SPECC1L: variants seen among roughly 807,000 people sequenced by gnomAD.
SPECC1L encodes cytospin-A.
A neutral mutation model predicts 116.8 loss-of-function variants in SPECC1L; 40 were observed. That is an observed-to-expected ratio of 0.34 (90% CI 0.27 to 0.45). The LOEUF (loss-of-function observed/expected upper bound fraction) is 0.45, where lower values mean the gene tolerates loss of function less well. SPECC1L is among the 20% of genes least tolerant of loss of function. SPECC1L has a pLI of 1.00. For missense variants in SPECC1L, 1,110 were observed against 1,373.6 expected (o/e 0.81, Z 3.03); for synonymous variants, 504 against 500.6 (o/e 1.01, Z -0.09).
At chr22:24,280,544 A>G (rs547719715) in intron 2 of SPECC1L, among the ~76,000 whole-genome samples, 63 of 151,730 alleles carry the variant, frequency 4.2e-4, no homozygotes, top group Non-Finnish European at 1.3e-4. Flanking sequence ...CAGCCACTAC[A>G]GATGTGAATG....
At chr22:24,332,574 T>C (rs554503400) in intron 8 of SPECC1L, among the ~76,000 whole-genome samples, 3 of 152,352 alleles carry the variant, frequency 2.0e-5, no homozygotes, top group Non-Finnish European at 2.9e-5. Flanking sequence ...ACCTGCCTTA[T>C]CTATGTAAGA....
At chr22:24,413,247 TCTC>T (rs1300722083) in intron 16 of SPECC1L, among the ~76,000 whole-genome samples, 1 of 152,166 alleles carries the variant, frequency 6.6e-6, no homozygotes, top group African/African-American at 2.4e-5. Flanking sequence ...CCCGGCGTGT[TCTC>T]AGGTTCTTTA....
Position 24,302,179 on chromosome 22 carries a change from C to T in SPECC1L, c.-37-16C>T. 4 of 1,598,200 alleles carry T rather than the reference C, an allele frequency of 2.5e-6. No homozygotes were observed. Among genetic ancestry groups the T allele is most frequent in the Non-Finnish European group, 3.4e-6 (4 of 1,167,516 alleles). ...TCCAGTTATGTTCTCAGTGTAATGC[C>T]ATTTTTTTCCCACAGATTTGCTTGT... On this transcript the variant is annotated splice_polypyrimidine_tract_variant and intron_variant, in intron 2 of 16. Transcript: ENST00000314328.
At chr22:24,326,852 T>C (rs1601559129) in intron 6 of SPECC1L, among the ~76,000 whole-genome samples, 1 of 152,322 alleles carries the variant, frequency 6.6e-6, no homozygotes, top group African/African-American at 2.4e-5. Context: ...GCCAACGTTT[T>C]ATCCCATTTA....
In SPECC1L at chr22:24,322,555, A is replaced by G; in HGVS notation, c.1575A>G (p.Gln525=). The change falls in exon 5 of 17, where the codon CAA becomes CAG. Residue 525 remains glutamine, a synonymous_variant. Coordinates refer to ENST00000314328, the MANE Select transcript of SPECC1L (RefSeq NM_015330.6). ...GCAATACTTTGAAAATGGCAGAACA[A>G]GACAATAAGGAAGCTCAAGAAATGA... The part of the protein sequence containing the change: ...HLSNTLKMAE[Q]DNKEAQEMIG... 1 of 1,614,218 alleles carries G rather than the reference A, an allele frequency of 6.2e-7. No individual in the cohort carries two copies. The highest frequency in any genetic ancestry group is 8.5e-7 in the Non-Finnish European group (1 of 1,180,036).
Position 24,326,464 on chromosome 22 carries a change from A to C in SPECC1L, c.2146+2037A>C, listed in dbSNP as rs1056891029. On this transcript the variant is annotated intron_variant, in intron 6 of 16. Transcript: ENST00000314328. ...AAGGATCAGGGCATTAGACTCGTCT[A>C]CTCAGCTTGGTGTCTGCTTTACCCA... Among the ~76,000 whole-genome samples, 5 of 152,132 alleles carry C rather than the reference A, an allele frequency of 3.3e-5. No homozygotes were observed. In the South Asian group the frequency reaches 1.0e-3, roughly 31 times the overall value.
intron 12 of SPECC1L, among the ~76,000 whole-genome samples, chr22:24,364,814 GTTACAAGTCTGATTA>G (rs2041720195): frequency 6.6e-6 from 1 of 152,108 alleles, no homozygotes; most frequent in South Asian, 2.1e-4. Context: ...GAGCTGAGTA[GTTACAAGTCTGATTA>G]TAATTAGCCT....
intron 4 of SPECC1L, among the ~76,000 whole-genome samples, chr22:24,318,917 CAA>C (rs937053229): frequency 8.7e-5 from 11 of 126,434 alleles, no homozygotes; most frequent in East Asian, 2.2e-4. Context: ...GACAGAGCCT[CAA>C]AAAAAAAAAA....
At chr22:24,337,392 A>G (rs898187778) in intron 9 of SPECC1L, among the ~76,000 whole-genome samples, 11 of 152,228 alleles carry the variant, frequency 7.2e-5, no homozygotes, top group African/African-American at 2.4e-4. Flanking sequence ...AGGTCAGTCC[A>G]TAGAGACAGA....
At chr22:24,315,748 C>G (rs1449325620) in intron 4 of SPECC1L, among the ~76,000 whole-genome samples, 1 of 152,190 alleles carries the variant, frequency 6.6e-6, no homozygotes, top group Non-Finnish European at 1.5e-5. Context: ...AACAAAATAC[C>G]ACAGACTGGA....
At chr22:24,410,016 C>T (rs987571228) in intron 14 of SPECC1L, among the ~76,000 whole-genome samples, 12 of 152,214 alleles carry the variant, frequency 7.9e-5, no homozygotes, top group African/African-American at 2.9e-4. Flanking sequence ...GAGACCCTGT[C>T]TCAAAAAATT....
At chr22:24,320,617 C>T (rs1038205001) in intron 4 of SPECC1L, among the ~76,000 whole-genome samples, 13 of 152,176 alleles carry the variant, frequency 8.5e-5, no homozygotes, top group Admixed American at 2.0e-4. Context: ...ATAGCACCTA[C>T]CTCACGTCTT....
chr22:24,324,135 T>A, intron 5 of SPECC1L, 85 bp from the exon 6 acceptor site: 1 of 1,138,776 alleles, frequency 8.8e-7, no homozygotes, highest in Non-Finnish European at 1.3e-6. Context: ...TTAGCTCCCC[T>A]TGGAAACTGT....
chr22:24,332,585 C>T (rs575644077), intron 8 of SPECC1L, among the ~76,000 whole-genome samples: 103 of 152,210 alleles, frequency 6.8e-4, no homozygotes, highest in African/African-American at 2.4e-3. Context: ...CTATGTAAGA[C>T]TTGCTTTTTT....
At position 24,323,190 on chromosome 22, in the gene SPECC1L, C is replaced by G. The variant is rs927644386; in HGVS notation, c.1938+272C>G. ...TATTACAGCTAAAACCAGAATTTGT[C>G]CCTAGTTCTGAGTATTCCTATGGAG... On this transcript the variant is annotated intron_variant, in intron 5 of 16. Transcript: ENST00000314328. The G allele has an allele frequency of 7.4e-6, 6 of 815,096 alleles. No individual in the cohort carries two copies. The South Asian group carries it at 2.7e-4, about 37-fold the overall frequency. The allele number at this position is 815,096 out of a possible 1,614,324, so 50.5% of individuals were successfully genotyped here.
At chr22:24,343,337 A>AT in intron 10 of SPECC1L, 1 of 346,064 alleles carries the variant, frequency 2.9e-6, no homozygotes, top group Non-Finnish European at 5.7e-6. Context: ...CCCCATGCCC[A>AT]TTAAGGCATT....
intron 8 of SPECC1L, among the ~76,000 whole-genome samples, chr22:24,333,076 A>G (rs1240388899): frequency 1.3e-5 from 2 of 152,116 alleles, no homozygotes; most frequent in African/African-American, 2.4e-5. Context: ...TAAAAATACA[A>G]AATTAGCCGG....
chr22:24,329,420 C>T (rs562985271), intron 7 of SPECC1L, among the ~76,000 whole-genome samples: 1 of 152,258 alleles, frequency 6.6e-6, no homozygotes, highest in South Asian at 2.1e-4. Flanking sequence ...TATAAGGTGC[C>T]CCAAACTAGT....
At chr22:24,384,731 G>C (rs2042126909) in intron 14 of SPECC1L, among the ~76,000 whole-genome samples, 1 of 152,140 alleles carries the variant, frequency 6.6e-6, no homozygotes, top group African/African-American at 2.4e-5. Flanking sequence ...GTTGAGATGT[G>C]CTGTGATTAT....
Sources: gnomAD v4.1 joint callset for allele counts (sites outside exome capture counted in the v4.1 genomes callset) on GRCh38, gnomAD v4.1.1 for gene constraint, MANE v1.5 for transcripts, NCBI Gene and HGNC (gene_info 2026-07-23, HGNC 2026-07-21) for gene names.